ZFYVE9: variants seen among roughly 807,000 people sequenced by gnomAD.
ZFYVE9 encodes the protein zinc finger FYVE domain-containing protein 9.
A neutral mutation model predicts 126.7 loss-of-function variants in ZFYVE9; 43 were observed. That is an observed-to-expected ratio of 0.34 (90% CI 0.27 to 0.44). The LOEUF (loss-of-function observed/expected upper bound fraction) is 0.44. Among genes scored for constraint, ZFYVE9 ranks in the 20% least tolerant of loss-of-function variants. The pLI is 1.00. For missense variants in ZFYVE9, 1,476 were observed against 1,697.0 expected (o/e 0.87, Z 2.29); for synonymous variants, 521 against 597.4 (o/e 0.87, Z 1.87).
intron 13 of ZFYVE9, among the ~76,000 whole-genome samples, chr1:52,324,069 A>T (rs1324452347): frequency 6.6e-6 from 1 of 151,936 alleles, no homozygotes; most frequent in Non-Finnish European, 1.5e-5. Flanking sequence ...CAAAAAAAAA[A>T]AATAACCACA....
chr1:52,213,832 C>T (rs529173385), intron 1 of ZFYVE9, among the ~76,000 whole-genome samples: 7 of 151,908 alleles, frequency 4.6e-5, no homozygotes, highest in East Asian at 3.9e-4. Flanking sequence ...TGCTTGCCTG[C>T]GGAGGAAGAT....
chr1:52,252,624 C>T lies in ZFYVE9; in HGVS notation c.2179-11149C>T, dbSNP rs571769627. The T allele has an allele frequency of 8.0e-5, 22 of 273,398 alleles. No homozygotes were observed. The East Asian group carries it at 2.6e-3, about 32-fold the overall frequency. The allele number at this position is 273,398 out of a possible 1,614,324, so 16.9% of individuals were successfully genotyped here. ...ACGCCCACCTTGGCCTCCCAAAGTG[C>T]TGGAATTACAGGCATGAGCCACCAC... On this transcript the variant is annotated intron_variant, in intron 4 of 18. Coordinates refer to ENST00000287727, the MANE Select transcript of ZFYVE9 (RefSeq NM_004799.4).
intron 1 of ZFYVE9, among the ~76,000 whole-genome samples, chr1:52,210,651 T>TTC (rs149167956): frequency 2.6e-5 from 4 of 151,998 alleles, no homozygotes; most frequent in Non-Finnish European, 5.9e-5. Context: ...AATTAGGTGG[T>TTC]TCTCTCTCTC....
chr1:52,292,465 A>ATTTTTTTTTTT, intron 10 of ZFYVE9, among the ~76,000 whole-genome samples: 1 of 125,972 alleles, frequency 7.9e-6, no homozygotes, highest in Non-Finnish European at 1.6e-5. Flanking sequence ...TAATCTGAAC[A>ATTTTTTTTTTT]TTTCTTTTTT....
In ZFYVE9 at chr1:52,346,354, G is replaced by A; in HGVS notation, c.*133G>A. 1 of 920,536 alleles carries A rather than the reference G, an allele frequency of 1.1e-6. No individual in the cohort carries two copies. Among genetic ancestry groups the A allele is most frequent in the Non-Finnish European group, 1.5e-6 (1 of 658,268 alleles). The allele number at this position is 920,536 out of a possible 1,614,324, so 57.0% of individuals were successfully genotyped here. On this transcript the variant is annotated 3_prime_UTR_variant, in exon 19 of 19. Coordinates refer to ENST00000287727, the MANE Select transcript of ZFYVE9 (RefSeq NM_004799.4). ...TGGGGTGGGGAATAGGGTGGGAGTGGGGGTTTGGGAGACGGGTGGGAAAGG... is the reference window on the plus strand; with the variant it reads ...TGGGGTGGGGAATAGGGTGGGAGTGAGGGTTTGGGAGACGGGTGGGAAAGG...
chr1:52,246,530 C>T (rs1645385598), intron 4 of ZFYVE9, among the ~76,000 whole-genome samples: 2 of 147,312 alleles, frequency 1.4e-5, no homozygotes, highest in Admixed American at 6.7e-5. Context: ...TGTTTTTTTT[C>T]CTGGGTTTTT....
At chr1:52,181,789 G>A (rs1029331063) in intron 1 of ZFYVE9, among the ~76,000 whole-genome samples, 12 of 152,212 alleles carry the variant, frequency 7.9e-5, no homozygotes, top group Non-Finnish European at 1.8e-4. Flanking sequence ...CGTCTGGGAG[G>A]TGAGGAGCGT....
intron 5 of ZFYVE9, 139 bp from the exon 6 acceptor site, chr1:52,266,516 T>C (rs1645635514): frequency 1.6e-6 from 1 of 634,624 alleles, no homozygotes; most frequent in Non-Finnish European, 2.4e-6. Flanking sequence ...CCTATCTCTT[T>C]AATACCTTCA....
chr1:52,191,853 T>C (rs1375560050), intron 1 of ZFYVE9, among the ~76,000 whole-genome samples: 1 of 152,130 alleles, frequency 6.6e-6, no homozygotes, highest in Non-Finnish European at 1.5e-5. Context: ...GGGAATGGTA[T>C]GTGGGAAAAG....
At chr1:52,215,330 C>T (rs1190480171) in intron 1 of ZFYVE9, among the ~76,000 whole-genome samples, 7 of 152,198 alleles carry the variant, frequency 4.6e-5, no homozygotes, top group Middle Eastern at 3.4e-3. Context: ...ATAGCATGTG[C>T]ATATTTTTCT....
rs1361565989 is a variant in ZFYVE9 at position 52,295,990 on chromosome 1, T to C, written c.3333+13T>C. On this transcript the variant is annotated intron_variant, in intron 12 of 18. Coordinates refer to ENST00000287727, the MANE Select transcript of ZFYVE9 (RefSeq NM_004799.4). Reference sequence around the variant, plus strand: ...GAATCTTCTTGCAGTAAGTTGGGAATTTTTTTTCCTTTGTCCTTACTGGAG... The same window carrying C: ...GAATCTTCTTGCAGTAAGTTGGGAACTTTTTTTCCTTTGTCCTTACTGGAG... The C allele has an allele frequency of 6.2e-7, 1 of 1,607,174 alleles. No homozygotes were observed. Among genetic ancestry groups the C allele is most frequent in the African/African-American group, 1.3e-5 (1 of 74,710 alleles).
intron 13 of ZFYVE9, among the ~76,000 whole-genome samples, chr1:52,323,484 T>G (rs1415854297): frequency 6.6e-6 from 1 of 152,216 alleles, no homozygotes; most frequent in African/African-American, 2.4e-5. Flanking sequence ...TACTACTGAA[T>G]AAAGCAAGCA....
chr1:52,265,227 T>C (rs1306972554), intron 5 of ZFYVE9, among the ~76,000 whole-genome samples: 4 of 152,186 alleles, frequency 2.6e-5, no homozygotes, highest in Non-Finnish European at 5.9e-5. Context: ...CCGGTCTTTT[T>C]CTTAATATTT....
rs534583844 is a variant in ZFYVE9 at position 52,317,134 on chromosome 1, G to A, written c.3438+13209G>A. Among the ~76,000 whole-genome samples the A allele has an allele frequency of 4.6e-5, 7 of 152,216 alleles. No individual in the cohort carries two copies. The South Asian group carries it at 1.4e-3, about 32-fold the overall frequency. On this transcript the variant is annotated intron_variant, in intron 13 of 18. Transcript: ENST00000287727. ...CAAAAGGAAAATTATAAAATATTTT[G>A]AACTGCTTGAAAATGAAAACATGAG...
intron 1 of ZFYVE9, chr1:52,162,283 A>AT: frequency 2.7e-6 from 1 of 364,804 alleles, no homozygotes; most frequent in Non-Finnish European, 5.6e-6. Flanking sequence ...CATAGTCTTC[A>AT]TATCTGTCAT....
Position 52,253,661 on chromosome 1 carries a change from A to G in ZFYVE9, c.2179-10112A>G. The G allele has an allele frequency of 5.1e-6, 8 of 1,571,624 alleles. No homozygotes were observed. In the South Asian group the frequency reaches 7.8e-5, roughly 15 times the overall value. ...AAGGCACCTCCTGGTACTGACCCTG[A>G]GCAGTTGGAAAAGACTGGAACAGTA... On this transcript the variant is annotated intron_variant, in intron 4 of 18. Transcript: ENST00000287727.
chr1:52,205,097 C>T (rs1644965253), intron 1 of ZFYVE9, among the ~76,000 whole-genome samples: 2 of 121,534 alleles, frequency 1.6e-5, no homozygotes, highest in Non-Finnish European at 3.2e-5. Context: ...TTTTTGAAGA[C>T]AGGACCTCAT....
chr1:52,257,274 A>T (rs2147790340), intron 4 of ZFYVE9, among the ~76,000 whole-genome samples: 1 of 152,346 alleles, frequency 6.6e-6, no homozygotes, highest in South Asian at 2.1e-4. Flanking sequence ...ATCTTCATAA[A>T]AGCCATATGA....
At chr1:52,275,847 GA>G (rs1176383972) in intron 8 of ZFYVE9, among the ~76,000 whole-genome samples, 2 of 149,580 alleles carry the variant, frequency 1.3e-5, no homozygotes, top group African/African-American at 2.5e-5. Context: ...CTTTTACTTA[GA>G]AATATTTAAT....
Sources: allele counts gnomAD v4.1 joint callset (sites outside exome capture counted in the v4.1 genomes callset), GRCh38; gene constraint gnomAD v4.1.1; transcripts MANE v1.5; gene names NCBI Gene and HGNC (gene_info 2026-07-23, HGNC 2026-07-21).